Variants in KIF16B observed in about 807,000 individuals in gnomAD.
KIF16B encodes kinesin-like protein KIF16B.
A neutral mutation model predicts 156.3 loss-of-function variants in KIF16B; 98 were observed. The ratio of observed to expected loss-of-function variants is 0.63; its 90% CI spans 0.53 to 0.74. The LOEUF (loss-of-function observed/expected upper bound fraction) is 0.74, where lower values mean the gene tolerates loss of function less well. Among genes scored for constraint, KIF16B ranks in the 30% least tolerant of loss-of-function variants. KIF16B has a pLI of 0.00. For synonymous variants in KIF16B, 564 were observed against 583.7 expected, an observed-to-expected ratio of 0.97 and a Z score of 0.49; for missense variants, 1,421 against 1,606.5, an observed-to-expected ratio of 0.88 and a Z score of 1.97.
chr20:16,386,635 G>A (rs934476566), intron 17 of KIF16B, among the ~76,000 whole-genome samples: 6 of 151,822 alleles, frequency 4.0e-5, no homozygotes, highest in East Asian at 2.0e-4. Flanking sequence ...TCAACAAGCA[G>A]GAGACAGAGA....
At chr20:16,403,122 G>A (rs2065696608) in intron 17 of KIF16B, among the ~76,000 whole-genome samples, 1 of 152,168 alleles carries the variant, frequency 6.6e-6, no homozygotes, top group Admixed American at 6.5e-5. Flanking sequence ...CCACCACTGT[G>A]GAGGATAATA....
intron 25 of KIF16B, among the ~76,000 whole-genome samples, chr20:16,296,041 C>G (rs1157985574): frequency 6.6e-6 from 1 of 152,200 alleles, no homozygotes; most frequent in Admixed American, 6.5e-5. Context: ...TTAAGAGCTT[C>G]AGTTTCAAAG....
At chr20:16,519,645 C>A (rs1411974059) in intron 3 of KIF16B, among the ~76,000 whole-genome samples, 1 of 152,230 alleles carries the variant, frequency 6.6e-6, no homozygotes, top group Non-Finnish European at 1.5e-5. Context: ...ACATTTCTAA[C>A]AAGTTCCCAG....
intron 12 of KIF16B, among the ~76,000 whole-genome samples, chr20:16,478,735 T>C (rs542510078): frequency 6.6e-6 from 1 of 152,306 alleles, no homozygotes; most frequent in South Asian, 2.1e-4. Context: ...ATGATGCAGG[T>C]ATATTGTTAT....
intron 25 of KIF16B, among the ~76,000 whole-genome samples, chr20:16,300,742 C>T (rs2063459816): frequency 6.6e-6 from 1 of 152,104 alleles, no homozygotes. Context: ...TCCCATAGAA[C>T]ACTTTACCCC....
chr20:16,550,045 T>G (rs1208351713), intron 1 of KIF16B, among the ~76,000 whole-genome samples: 1 of 107,900 alleles, frequency 9.3e-6, no homozygotes, highest in African/African-American at 4.0e-5. Context: ...GAAACTACCA[T>G]CAGAGTAAAC....
In KIF16B at chr20:16,399,778, A is replaced by G. The variant is rs1028025005; in HGVS notation, c.1784+5035T>C. On this transcript the variant is annotated intron_variant, in intron 17 of 25. Transcript: ENST00000354981. The stretch of plus-strand genomic sequence containing the variant: ...TTTCTGTTTCAGCTGGGTGGCAAGC[A>G]GCACCCAACCAGTTACTGAAGCCAG... 3.9e-5 allele frequency among the ~76,000 whole-genome samples: 6 copies of G among 152,196 alleles called. No individual in the cohort carries two copies. In the East Asian group the frequency reaches 9.6e-4, roughly 24 times the overall value.
intron 12 of KIF16B, among the ~76,000 whole-genome samples, chr20:16,463,329 G>A (rs1302481351): frequency 6.6e-6 from 1 of 152,154 alleles, no homozygotes; most frequent in Non-Finnish European, 1.5e-5. Flanking sequence ...AAAACATGTT[G>A]AAGGCAGTTT....
At chr20:16,498,440 A>G (rs1380844338) in intron 10 of KIF16B, among the ~76,000 whole-genome samples, 4 of 152,108 alleles carry the variant, frequency 2.6e-5, no homozygotes, top group Non-Finnish European at 4.4e-5. Context: ...CTTTTTCCCA[A>G]TTTGGTTGTG....
chr20:16,517,134 T>C (rs1487455159), intron 3 of KIF16B, among the ~76,000 whole-genome samples: 1 of 152,194 alleles, frequency 6.6e-6, no homozygotes, highest in East Asian at 1.9e-4. Flanking sequence ...CAGCCTGTCA[T>C]CCAAGGACAA....
At chr20:16,418,614 T>A (rs1389746217) in intron 15 of KIF16B, among the ~76,000 whole-genome samples, 1 of 152,110 alleles carries the variant, frequency 6.6e-6, no homozygotes, top group Non-Finnish European at 1.5e-5. Flanking sequence ...TTCTGGCCAA[T>A]CTACAGGGTG....
intron 23 of KIF16B, among the ~76,000 whole-genome samples, chr20:16,338,768 C>T (rs1300983632): frequency 6.6e-6 from 1 of 152,178 alleles, no homozygotes; most frequent in Non-Finnish European, 1.5e-5. Context: ...CAATTGCCAC[C>T]ATCAAGTGGC....
At chr20:16,524,414 A>G (rs945676760) in intron 3 of KIF16B, among the ~76,000 whole-genome samples, 2 of 152,234 alleles carry the variant, frequency 1.3e-5, no homozygotes, top group African/African-American at 2.4e-5. Context: ...GCCAACAAAC[A>G]TACGAAAAAA....
At chr20:16,495,430 T>G (rs2068421669) in intron 11 of KIF16B, among the ~76,000 whole-genome samples, 1 of 152,220 alleles carries the variant, frequency 6.6e-6, no homozygotes, top group African/African-American at 2.4e-5. Context: ...CATCAGTTAT[T>G]GACAAATATC....
intron 23 of KIF16B, among the ~76,000 whole-genome samples, chr20:16,352,745 G>A (rs771869061): frequency 1.3e-5 from 2 of 152,234 alleles, no homozygotes; most frequent in African/African-American, 2.4e-5. Context: ...CGGGTGAGGA[G>A]GGCGAGGGGA....
chr20:16,372,005 G>C lies in KIF16B; in HGVS notation c.3351-244C>G, dbSNP rs368915275. 2.8e-4 allele frequency among the ~76,000 whole-genome samples: 42 copies of C among 152,316 alleles called. No homozygotes were observed. The South Asian group carries it at 4.8e-3, about 17-fold the overall frequency. On this transcript the variant is annotated intron_variant, in intron 20 of 25. Coordinates refer to ENST00000354981, the MANE Select transcript of KIF16B (RefSeq NM_024704.5). ...GTAATAGAATATTGGGAATGGAAAG[G>C]AGACTAAGTGATCCCATCCACGTCC...
chr20:16,450,883 C>T (rs1317878323), intron 12 of KIF16B, among the ~76,000 whole-genome samples: 1 of 152,208 alleles, frequency 6.6e-6, no homozygotes, highest in African/African-American at 2.4e-5. Flanking sequence ...CACAGATAAA[C>T]AGTAAAATGA....
intron 12 of KIF16B, among the ~76,000 whole-genome samples, chr20:16,431,995 G>C (rs527389186): frequency 6.6e-6 from 1 of 150,846 alleles, no homozygotes; most frequent in African/African-American, 2.4e-5. Flanking sequence ...CTAATTTCAT[G>C]TCCCACTCAT....
At chr20:16,385,655 G>T (rs1024914412) in intron 17 of KIF16B, among the ~76,000 whole-genome samples, 2 of 152,172 alleles carry the variant, frequency 1.3e-5, no homozygotes, top group East Asian at 1.9e-4. Context: ...GTGTTGCCTC[G>T]CATTGCTGTG....
Sources: allele counts gnomAD v4.1 joint callset (sites outside exome capture counted in the v4.1 genomes callset), GRCh38; gene constraint gnomAD v4.1.1; transcripts MANE v1.5; gene names NCBI Gene and HGNC (gene_info 2026-07-23, HGNC 2026-07-21).